Variants in EYS observed in about 807,000 individuals in gnomAD.
EYS encodes the protein protein eyes shut homolog.
Under a neutral mutation model 282.1 loss-of-function variants are expected in EYS, and 250 were observed. The ratio of observed to expected loss-of-function variants is 0.89; its 90% CI spans 0.80 to 0.98. The LOEUF is 0.98. Among genes scored for constraint, EYS ranks in the 50% least tolerant of loss-of-function variants. The pLI is 0.00. For synonymous variants in EYS, 1,355 were observed against 1,282.9 expected, an observed-to-expected ratio of 1.06 and a Z score of -1.20; for missense variants, 4,016 against 3,709.0, an observed-to-expected ratio of 1.08 and a Z score of -2.15.
At chr6:65,546,637 T>C (rs559067286) in intron 2 of EYS, among the ~76,000 whole-genome samples, 1 of 152,122 alleles carries the variant, frequency 6.6e-6, no homozygotes, top group Non-Finnish European at 1.5e-5. Context: ...ACTGTCAAGA[T>C]CTTGGCTCAC....
intron 5 of EYS, among the ~76,000 whole-genome samples, chr6:65,484,897 A>G (rs1356828948): frequency 6.6e-6 from 1 of 152,204 alleles, no homozygotes; most frequent in Non-Finnish European, 1.5e-5. Flanking sequence ...AGTGAAATCC[A>G]CACATTTATG....
intron 13 of EYS, among the ~76,000 whole-genome samples, chr6:65,036,131 C>T (rs1338705978): frequency 6.6e-6 from 1 of 151,438 alleles, no homozygotes; most frequent in Non-Finnish European, 1.5e-5. Context: ...CAATAACAAA[C>T]ACATAGACCA....
At position 65,567,442 on chromosome 6, in the gene EYS, T is replaced by G. The variant is rs570039613; in HGVS notation, c.-332-71449A>C. ...TAAATTGATGTTTATTAAATATATA[T>G]TATTAGTCAACATTCTATCTAAACT... On this transcript the variant is annotated intron_variant, in intron 2 of 42. Transcript: ENST00000503581. Among the ~76,000 whole-genome samples, 23 of 151,738 alleles carry G rather than the reference T, an allele frequency of 1.5e-4. No homozygotes were observed. The East Asian group carries it at 3.3e-3, about 22-fold the overall frequency.
chr6:64,205,828 C>CACACACAG (rs1163716062), intron 31 of EYS, among the ~76,000 whole-genome samples: 1 of 150,118 alleles, frequency 6.7e-6, no homozygotes, highest in Non-Finnish European at 1.5e-5. Context: ...CACACACACA[C>CACACACAG]ACACACACAC....
chr6:64,427,907 T>C (rs1217216987), intron 28 of EYS, among the ~76,000 whole-genome samples: 1 of 152,140 alleles, frequency 6.6e-6, no homozygotes, highest in Non-Finnish European at 1.5e-5. Flanking sequence ...ATAATGATTA[T>C]TCTAAATGTT....
intron 12 of EYS, among the ~76,000 whole-genome samples, chr6:65,181,771 C>A (rs548685025): frequency 6.6e-6 from 1 of 151,970 alleles, no homozygotes; most frequent in East Asian, 1.9e-4. Flanking sequence ...ATGTTTATTG[C>A]GGCACTATTC....
intron 11 of EYS, among the ~76,000 whole-genome samples, chr6:65,326,236 GA>G (rs1343052330): frequency 4.0e-5 from 6 of 151,704 alleles, no homozygotes; most frequent in African/African-American, 1.5e-4. Context: ...GTCACGTTTA[GA>G]AAAGCCTCCT....
intron 31 of EYS, among the ~76,000 whole-genome samples, chr6:64,094,920 G>A (rs141797443): frequency 1.9e-4 from 29 of 151,904 alleles, no homozygotes; most frequent in Non-Finnish European, 3.5e-4. Flanking sequence ...TACACACTGC[G>A]TTGAATGTGT....
intron 36 of EYS, among the ~76,000 whole-genome samples, chr6:63,812,256 C>T (rs1326092428): frequency 2.0e-5 from 3 of 152,194 alleles, no homozygotes; most frequent in African/African-American, 7.2e-5. Context: ...AACACACTCC[C>T]AGTTCAAGGC....
chr6:64,076,651 T>C lies in EYS; in HGVS notation c.6571+5205A>G, dbSNP rs1771780493. On this transcript the variant is annotated intron_variant, in intron 32 of 42. Transcript: ENST00000503581. ...CTCTTGCCTGCTGTCAAGTAAGATG[T>C]GTCTTTTGCCTTCTGCCATGATTGT... is the stretch of plus-strand genomic sequence containing the variant. Among the ~76,000 whole-genome samples the C allele has an allele frequency of 2.6e-5, 4 of 151,918 alleles. No homozygotes were observed. The South Asian group carries it at 8.3e-4, about 32-fold the overall frequency.
intron 31 of EYS, among the ~76,000 whole-genome samples, chr6:64,156,022 ATGTGTG>A (rs140713143): frequency 1.2e-4 from 17 of 146,952 alleles, no homozygotes; most frequent in Admixed American, 7.5e-4. Flanking sequence ...GTGTATGTTT[ATGTGTG>A]TGTGTGTGTG....
At chr6:65,571,165 CAT>C (rs1005282505) in intron 2 of EYS, among the ~76,000 whole-genome samples, 15 of 152,038 alleles carry the variant, frequency 9.9e-5, no homozygotes, top group African/African-American at 3.6e-4. Flanking sequence ...GAAAAACAAA[CAT>C]GTATATCTCA....
At chr6:64,742,804 G>C (rs1180115378) in intron 22 of EYS, among the ~76,000 whole-genome samples, 1 of 152,056 alleles carries the variant, frequency 6.6e-6, no homozygotes, top group Non-Finnish European at 1.5e-5. Context: ...GACCTCAGAG[G>C]GAATGGCTCC....
In EYS at chr6:64,732,484, A is replaced by G. The variant is rs562628880; in HGVS notation, c.3443+80894T>C. On this transcript the variant is annotated intron_variant, in intron 22 of 42. Transcript: ENST00000503581. ...TTTATAAACATCTTAGATATGGCAG[A>G]AATTTAAAAAAAAGTAAAAGAGATA... is the stretch of plus-strand genomic sequence containing the variant. Among the ~76,000 whole-genome samples the G allele has an allele frequency of 3.9e-5, 6 of 152,328 alleles. No homozygotes were observed. The East Asian group carries it at 1.2e-3, about 29-fold the overall frequency.
At chr6:63,784,659 T>TGTGTGTGCTGATCTCATTTGAA (rs1457184321) in intron 39 of EYS, among the ~76,000 whole-genome samples, 2 of 151,876 alleles carry the variant, frequency 1.3e-5, no homozygotes, top group African/African-American at 4.8e-5. Context: ...GAACGCACTA[T>TGTGTGTGCTGATCTCATTTGAA]CACAAGAACA....
intron 5 of EYS, among the ~76,000 whole-genome samples, chr6:65,409,823 T>C (rs1382793493): frequency 3.9e-5 from 6 of 152,100 alleles, no homozygotes; most frequent in Admixed American, 6.6e-5. Context: ...TTAGATTATA[T>C]AATATTAACT....
intron 22 of EYS, among the ~76,000 whole-genome samples, chr6:64,784,035 T>C (rs1281016243): frequency 6.6e-6 from 1 of 152,166 alleles, no homozygotes; most frequent in African/African-American, 2.4e-5. Context: ...GTACATATTT[T>C]GAAGCTTACC....
At chr6:65,406,687 C>G (rs1004028365) in intron 5 of EYS, among the ~76,000 whole-genome samples, 4 of 152,012 alleles carry the variant, frequency 2.6e-5, no homozygotes, top group African/African-American at 7.2e-5. Context: ...TCCCTCATTT[C>G]TTTGTTTGTT....
intron 24 of EYS, among the ~76,000 whole-genome samples, chr6:64,606,705 G>C (rs1318942449): frequency 6.6e-6 from 1 of 152,038 alleles, no homozygotes; most frequent in Non-Finnish European, 1.5e-5. Context: ...AGATTGAAGT[G>C]AGTCAGCCTT....
Sources: gnomAD v4.1 joint callset for allele counts (sites outside exome capture counted in the v4.1 genomes callset) on GRCh38, gnomAD v4.1.1 for gene constraint, MANE v1.5 for transcripts, NCBI Gene and HGNC (gene_info 2026-07-23, HGNC 2026-07-21) for gene names.